UNC13C: variants seen among roughly 807,000 people sequenced by gnomAD.
UNC13C encodes the protein unc-13 homolog C, also known as protein unc-13 homolog C.
Under a neutral mutation model 245.4 loss-of-function variants are expected in UNC13C, and 174 were observed. That is an observed-to-expected ratio of 0.71 (90% CI 0.63 to 0.80). The LOEUF is 0.80. Ranked by LOEUF, UNC13C falls within the 30% of genes least tolerant of loss-of-function variation. The pLI, the probability that UNC13C is intolerant of heterozygous loss-of-function variation, is 0.00. For synonymous variants in UNC13C, 992 were observed against 895.1 expected (o/e 1.11, Z -1.93); for missense variants, 2,829 against 2,602.9 (o/e 1.09, Z -1.89).
At chr15:54,091,931 T>C (rs1169619590) in intron 2 of UNC13C, among the ~76,000 whole-genome samples, 1 of 152,208 alleles carries the variant, frequency 6.6e-6, no homozygotes, top group African/African-American at 2.4e-5. Context: ...CCATATTTCT[T>C]TTCTTAGTAT....
At chr15:54,597,742 T>A (rs1899176269) in intron 30 of UNC13C, among the ~76,000 whole-genome samples, 2 of 152,220 alleles carry the variant, frequency 1.3e-5, no homozygotes, top group African/African-American at 4.8e-5. Flanking sequence ...CAGAGGAGAC[T>A]ACTAACATTA....
intron 13 of UNC13C, among the ~76,000 whole-genome samples, chr15:54,317,270 G>A (rs12442994): frequency 0.018 from 2,784 of 151,930 alleles, 121 homozygotes; most frequent in East Asian, 0.15. Flanking sequence ...AATGATAAAC[G>A]TGTGGTGAAG....
At chr15:54,186,959 C>T (rs901572703) in intron 4 of UNC13C, among the ~76,000 whole-genome samples, 3 of 151,716 alleles carry the variant, frequency 2.0e-5, no homozygotes, top group African/African-American at 7.3e-5. Context: ...AGCGATTCTC[C>T]TGCCTCTGCC....
At chr15:54,493,982 A>C (rs2141087086) in intron 19 of UNC13C, among the ~76,000 whole-genome samples, 1 of 152,296 alleles carries the variant, frequency 6.6e-6, no homozygotes, top group South Asian at 2.1e-4. Context: ...GTAAACCTAC[A>C]GAATGAAGAA....
chr15:54,541,492 A>G (rs1464118220), intron 26 of UNC13C, among the ~76,000 whole-genome samples: 1 of 152,090 alleles, frequency 6.6e-6, no homozygotes, highest in Non-Finnish European at 1.5e-5. Context: ...ATATGATAGT[A>G]TATTTAATAG....
At chr15:54,373,698 T>C (rs2039544070) in intron 17 of UNC13C, among the ~76,000 whole-genome samples, 1 of 152,200 alleles carries the variant, frequency 6.6e-6, no homozygotes, top group Admixed American at 6.5e-5. Context: ...CCCGAAGGGC[T>C]GCAGCTCTTC....
chr15:54,511,169 T>C (rs995536704), intron 23 of UNC13C, among the ~76,000 whole-genome samples: 1 of 152,020 alleles, frequency 6.6e-6, no homozygotes, highest in African/African-American at 2.4e-5. Flanking sequence ...AAGTGAGTGA[T>C]AAGATAAAAT....
chr15:54,438,563 C>T lies in UNC13C; in HGVS notation c.4933+23496C>T, dbSNP rs114668212. On this transcript the variant is annotated intron_variant, in intron 19 of 32. Coordinates refer to ENST00000260323, the MANE Select transcript of UNC13C (RefSeq NM_001080534.3). ...AATCTTCTTCCAGTCTCTAAAATGG[C>T]AAGCAGAGCATACCTTAATGTTTAT... 7.9e-3 allele frequency among the ~76,000 whole-genome samples: 1,195 copies of T among 152,070 alleles called. 8 individuals carry two copies. The highest frequency in any genetic ancestry group is 0.027 in the African/African-American group (1,132 of 41,546).
intron 4 of UNC13C, among the ~76,000 whole-genome samples, chr15:54,178,706 C>A (rs990582497): frequency 6.6e-6 from 1 of 152,068 alleles, no homozygotes; most frequent in African/African-American, 2.4e-5. Flanking sequence ...AATTTCTGTG[C>A]AGAACTTGCA....
At chr15:54,417,516 T>C (rs1299287220) in intron 19 of UNC13C, among the ~76,000 whole-genome samples, 1 of 152,198 alleles carries the variant, frequency 6.6e-6, no homozygotes, top group African/African-American at 2.4e-5. Flanking sequence ...AAACTTACTC[T>C]AAATCTATGT....
chr15:53,869,655 G>T, the UNC13C span, among the ~76,000 whole-genome samples: 6 of 152,122 alleles, frequency 3.9e-5, no homozygotes, highest in Non-Finnish European at 7.4e-5. Flanking sequence ...CAGATATTCT[G>T]CCTGTCAGTC....
chr15:54,546,846 G>GT lies in UNC13C; in HGVS notation c.5820+2dup. On this transcript the variant is annotated splice_donor_variant, in intron 27 of 32. Transcript: ENST00000260323. LOFTEE classifies it high-confidence loss of function. Reference sequence around the variant, plus strand: ...TCTTCCTCCTCTGACAGATCAAACAGTAAGTATATAAAGTTTAGTTATGCT... The same window carrying GT: ...TCTTCCTCCTCTGACAGATCAAACAGTTAAGTATATAAAGTTTAGTTATGCT... 1 of 1,574,506 alleles carries GT rather than the reference G, an allele frequency of 6.4e-7. No homozygotes were observed. Among genetic ancestry groups the GT allele is most frequent in the Non-Finnish European group, 8.6e-7 (1 of 1,161,568 alleles).
At chr15:54,159,848 A>G (rs1361112863) in intron 4 of UNC13C, among the ~76,000 whole-genome samples, 1 of 152,190 alleles carries the variant, frequency 6.6e-6, no homozygotes, top group Non-Finnish European at 1.5e-5. Context: ...ACCATTATGC[A>G]GTAGTGCACT....
chr15:54,402,224 G>A (rs948478534), intron 18 of UNC13C, among the ~76,000 whole-genome samples: 9 of 151,876 alleles, frequency 5.9e-5, no homozygotes, highest in African/African-American at 1.7e-4. Context: ...TAACACTAAA[G>A]ATATAAAGTA....
chr15:53,888,094 G>C, the UNC13C span, among the ~76,000 whole-genome samples: 2 of 152,152 alleles, frequency 1.3e-5, no homozygotes, highest in South Asian at 2.1e-4. Context: ...GGGTCAAATG[G>C]TATTTCTAGT....
At chr15:53,957,580 T>C in the UNC13C span, among the ~76,000 whole-genome samples, 6 of 151,840 alleles carry the variant, frequency 4.0e-5, no homozygotes, top group Non-Finnish European at 8.8e-5. Context: ...GTTTACACTA[T>C]ATATATAGTA....
At chr15:54,569,594 TTG>T (rs562796527) in intron 30 of UNC13C, among the ~76,000 whole-genome samples, 31 of 149,672 alleles carry the variant, frequency 2.1e-4, no homozygotes, top group South Asian at 8.5e-4. Context: ...GTATGTTTGT[TTG>T]TGTGTGTGTG....
chr15:54,596,854 CAG>C (rs1309505551), intron 30 of UNC13C, among the ~76,000 whole-genome samples: 2 of 152,278 alleles, frequency 1.3e-5, no homozygotes, highest in Non-Finnish European at 2.9e-5. Context: ...TAAAAACTCC[CAG>C]AGGTCTCACC....
intron 4 of UNC13C, among the ~76,000 whole-genome samples, chr15:54,213,537 A>T (rs987453456): frequency 6.6e-6 from 1 of 152,074 alleles, no homozygotes; most frequent in African/African-American, 2.4e-5. Flanking sequence ...AAGTCTTGTT[A>T]ACTTTGTAAG....
Sources: gnomAD v4.1 joint callset for allele counts (sites outside exome capture counted in the v4.1 genomes callset) on GRCh38, gnomAD v4.1.1 for gene constraint, MANE v1.5 for transcripts, NCBI Gene and HGNC (gene_info 2026-07-23, HGNC 2026-07-21) for gene names.